ZZEF1: variants seen among roughly 807,000 people sequenced by gnomAD.
The protein encoded by ZZEF1 is zinc finger ZZ-type and EF-hand domain-containing protein 1.
A neutral mutation model predicts 342.8 loss-of-function variants in ZZEF1; 157 were observed. The ratio of observed to expected loss-of-function variants is 0.46; its 90% CI spans 0.40 to 0.52. The LOEUF (loss-of-function observed/expected upper bound fraction) is 0.52. Among genes scored for constraint, ZZEF1 ranks in the 20% least tolerant of loss-of-function variants. The pLI, the probability that ZZEF1 is intolerant of heterozygous loss-of-function variation, is 0.00. For missense variants in ZZEF1, 3,480 were observed against 3,725.6 expected (o/e 0.93, Z 1.72); for synonymous variants, 1,505 against 1,429.1 (o/e 1.05, Z -1.20).
At chr17:4,106,735 A>G (rs961098817) in intron 6 of ZZEF1, among the ~76,000 whole-genome samples, 1 of 152,206 alleles carries the variant, frequency 6.6e-6, no homozygotes, top group African/African-American at 2.4e-5. Flanking sequence ...TTTACGCAAC[A>G]AATGACTTCT....
At chr17:4,062,162 G>T (rs919611719) in intron 30 of ZZEF1, among the ~76,000 whole-genome samples, 3 of 151,936 alleles carry the variant, frequency 2.0e-5, no homozygotes, top group Non-Finnish European at 2.9e-5. Context: ...TCTTCTCTCT[G>T]ATCTTAGCTG....
In ZZEF1 at chr17:4,006,569, C is replaced by T. The variant is rs572128631; in HGVS notation, c.*321G>A. 7 of 377,384 alleles carry T rather than the reference C, an allele frequency of 1.9e-5. No homozygotes were observed. The East Asian group carries it at 4.1e-4, about 22-fold the overall frequency. The allele number at this position is 377,384 out of a possible 1,614,324, so 23.4% of individuals were successfully genotyped here. A position where few individuals can be genotyped will look rare whatever the true frequency, so the allele number is the denominator to read the frequency against. ...AGAAACCAGTTGAGAGAGGCCGCTT[C>T]CAAGTCTTCCCAGGCCCACGGCTCC... On this transcript the variant is annotated 3_prime_UTR_variant, in exon 55 of 55. Transcript: ENST00000381638.
rs572506825 is a variant in ZZEF1 at position 4,114,976 on chromosome 17, T to C, written c.695-506A>G. ...GATCAAATGTATATATAAACATACA[T>C]AGAATAGCTAACATTTACTTGAGTG... On this transcript the variant is annotated intron_variant, in intron 3 of 54. Transcript: ENST00000381638. 7.9e-5 allele frequency among the ~76,000 whole-genome samples: 12 copies of C among 152,316 alleles called. No individual in the cohort carries two copies. The South Asian group carries it at 2.3e-3, about 29-fold the overall frequency.
intron 46 of ZZEF1, among the ~76,000 whole-genome samples, 158 bp downstream of exon 46, chr17:4,019,511 A>G (rs1234966751): frequency 2.0e-5 from 3 of 152,200 alleles, no homozygotes; most frequent in African/African-American, 7.2e-5. Context: ...AACGTAGCAC[A>G]GGCCACCTCC....
intron 1 of ZZEF1, among the ~76,000 whole-genome samples, chr17:4,131,248 C>T (rs750762139): frequency 1.3e-5 from 2 of 151,928 alleles, no homozygotes; most frequent in Non-Finnish European, 1.5e-5. Context: ...CCCGCACAGC[C>T]GACCTAGAGA....
intron 9 of ZZEF1, 39 bp from the exon 10 acceptor site, chr17:4,096,739 T>A: frequency 6.6e-7 from 1 of 1,509,576 alleles, no homozygotes; most frequent in Non-Finnish European, 9.2e-7. Context: ...AACTAACCCA[T>A]TTTTATAGCC....
rs111999973 is a variant in ZZEF1, at chr17:4,033,262, T to G, written c.6585-260A>C. Reference sequence around the variant, plus strand: ...CACCTGTGTGTGTGCACATGCACACTCATATTCAAACACAGAAGAAAATGT... The same window carrying G: ...CACCTGTGTGTGTGCACATGCACACGCATATTCAAACACAGAAGAAAATGT... On this transcript the variant is annotated intron_variant, in intron 40 of 54. Transcript: ENST00000381638. The G allele has an allele frequency of 7.0e-3, 2,661 of 377,810 alleles. 18 individuals are homozygous for G. The highest frequency in any genetic ancestry group is 8.7e-3 in the Non-Finnish European group (1,818 of 208,018). 23.4% of individuals were successfully genotyped at this position (377,810 alleles called of 1,614,324 possible). A position where few individuals can be genotyped will look rare whatever the true frequency, so the allele number is the denominator to read the frequency against.
chr17:4,119,485 T>C (rs1202268526), intron 2 of ZZEF1, among the ~76,000 whole-genome samples: 1 of 152,238 alleles, frequency 6.6e-6, no homozygotes, highest in Non-Finnish European at 1.5e-5. Context: ...GAAGCCAACA[T>C]GGGGATTCTG....
chr17:4,092,425 A>C (rs1409594970), intron 11 of ZZEF1, among the ~76,000 whole-genome samples: 1 of 151,316 alleles, frequency 6.6e-6, no homozygotes, highest in African/African-American at 2.4e-5. Context: ...CAGCTTCCCA[A>C]GCAGCTGGGA....
chr17:4,063,198 G>C (rs1026059417), intron 29 of ZZEF1, among the ~76,000 whole-genome samples: 4 of 152,182 alleles, frequency 2.6e-5, no homozygotes, highest in African/African-American at 9.7e-5. Flanking sequence ...TTTCCATAGA[G>C]ACAAAGCCTT....
Position 4,075,148 on chromosome 17 carries a change from T to A in ZZEF1, c.3432A>T (p.Arg1144Ser). The change falls in exon 23 of 55, where the codon AGA becomes AGT. Residue 1144 changes from arginine (R) to serine (S), a missense_variant. Physicochemically the swap from Arg to Ser is moderately radical, Grantham distance 110 (BLOSUM62 -1). This residue lies in a region of ZZEF1 where 1,528 missense variants were observed against 1,624.1 expected (regional missense o/e 0.94). Coordinates refer to ENST00000381638, the MANE Select transcript of ZZEF1 (RefSeq NM_015113.4). ...TTGTGTCATAGCGTGTTTTCCGACCTCTAGCGTCGGTAAATTCCAGATAAT... is the reference window on the plus strand; with the variant it reads ...TTGTGTCATAGCGTGTTTTCCGACCACTAGCGTCGGTAAATTCCAGATAAT... ...RYDYLEFTDA[R>S]GRKTRYDTKV... 1 of 1,614,244 alleles carries A rather than the reference T, an allele frequency of 6.2e-7. No homozygotes were observed. Among genetic ancestry groups the A allele is most frequent in the Non-Finnish European group, 8.5e-7 (1 of 1,180,030 alleles).
intron 2 of ZZEF1, among the ~76,000 whole-genome samples, chr17:4,123,061 G>A (rs1278570827): frequency 2.7e-5 from 4 of 150,700 alleles, no homozygotes; most frequent in Admixed American, 6.6e-5. Flanking sequence ...CTGGGACTAC[G>A]GGCACCCGCC....
intron 1 of ZZEF1, among the ~76,000 whole-genome samples, chr17:4,133,554 G>A (rs1401585586): frequency 1.3e-5 from 2 of 152,038 alleles, no homozygotes; most frequent in African/African-American, 2.4e-5. Flanking sequence ...CTAGAAGTGA[G>A]ACTCACTCCC....
Position 4,096,709 on chromosome 17 carries a change from A to C in ZZEF1, c.1673-9T>G. On this transcript the variant is annotated splice_polypyrimidine_tract_variant and intron_variant, in intron 9 of 54. Transcript: ENST00000381638. ...AGTTTCCGTAAGAAAACCTGAAAAA[A>C]GGGAAAACTCAAGTTAGGGAACTAA... 1 of 1,612,592 alleles carries C rather than the reference A, an allele frequency of 6.2e-7. No individual in the cohort carries two copies. The highest frequency in any genetic ancestry group is 8.5e-7 in the Non-Finnish European group (1 of 1,178,932).
chr17:4,132,917 G>C (rs1012514854), intron 1 of ZZEF1, among the ~76,000 whole-genome samples: 11 of 152,136 alleles, frequency 7.2e-5, no homozygotes, highest in Non-Finnish European at 1.5e-4. Context: ...AGTGAGCTGA[G>C]ATCACGCCAC....
chr17:4,013,306 TA>T, intron 52 of ZZEF1, 142 bp downstream of exon 52: 1 of 803,450 alleles, frequency 1.2e-6, no homozygotes, highest in Non-Finnish European at 1.8e-6. Flanking sequence ...AACGCTAGCA[TA>T]AAGCAAATGA....
intron 52 of ZZEF1, among the ~76,000 whole-genome samples, chr17:4,012,303 C>T (rs146330859): frequency 0.015 from 2,230 of 152,328 alleles, 26 homozygotes; most frequent in Middle Eastern, 0.027. Flanking sequence ...GCCCAGCTCT[C>T]CCCTCTCTCT....
chr17:4,117,114 TGAC>T lies in ZZEF1; in HGVS notation c.549_551del (p.Ser184del), dbSNP rs1348753331. 7 of 1,614,010 alleles carry T rather than the reference TGAC, an allele frequency of 4.3e-6. No individual in the cohort carries two copies. Among genetic ancestry groups the T allele is most frequent in the African/African-American group, 1.3e-5 (1 of 74,930 alleles). On this transcript the variant is annotated inframe_deletion, in exon 3 of 55. Transcript: ENST00000381638. ...TGCGGTGCAGGAAGCGCAGTATCAT[TGAC>T]GAGTGAATATCAAGGCCCTCCTTCG...
At chr17:4,125,949 G>A (rs575184685) in intron 1 of ZZEF1, among the ~76,000 whole-genome samples, 24 of 152,204 alleles carry the variant, frequency 1.6e-4, no homozygotes, top group Non-Finnish European at 3.1e-4. Context: ...TTAGGAGGCC[G>A]GGCGCGGTGG....
Sources: gnomAD v4.1 joint callset for allele counts (sites outside exome capture counted in the v4.1 genomes callset) on GRCh38, gnomAD v4.1.1 for gene constraint, gnomAD v4.1.1 regional missense constraint, MANE v1.5 for transcripts, NCBI Gene and HGNC (gene_info 2026-07-23, HGNC 2026-07-21) for gene names.